The following PIGN variants were observed in gnomAD, a reference collection of about 807,000 sequenced individuals.
PIGN encodes GPI ethanolamine phosphate transferase 1.
PIGN carries 117 observed loss-of-function variants against 125.4 expected under a neutral mutation model. The ratio of observed to expected loss-of-function variants is 0.93; its 90% CI spans 0.80 to 1.09. PIGN has a LOEUF of 1.09. PIGN is among the 50% of genes least tolerant of loss of function. PIGN has a pLI of 0.00. For synonymous variants in PIGN, 392 were observed against 377.8 expected, an observed-to-expected ratio of 1.04 and a Z score of -0.44; for missense variants, 1,075 against 1,094.9, an observed-to-expected ratio of 0.98 and a Z score of 0.26.
chr18:62,090,004 T>G (rs572101876), intron 24 of PIGN, among the ~76,000 whole-genome samples: 9 of 152,208 alleles, frequency 5.9e-5, no homozygotes, highest in African/African-American at 1.9e-4. Context: ...GCCACAATCA[T>G]TAAGGCAGCA....
At chr18:62,022,997 C>T (rs943092766) in intron 23 of PIGN, among the ~76,000 whole-genome samples, 3 of 152,176 alleles carry the variant, frequency 2.0e-5, no homozygotes, top group Non-Finnish European at 4.4e-5. Context: ...AGATGTTCTA[C>T]TGTATTGTTC....
At chr18:62,038,864 G>A (rs776305800), downstream of PIGN, among the ~76,000 whole-genome samples, 16 of 151,936 alleles carry the variant, frequency 1.1e-4, no homozygotes, top group South Asian at 6.2e-4. Flanking sequence ...GAAGCAGTGA[G>A]CCATCATTGT....
At chr18:62,095,003 G>C (rs983337902) in intron 23 of PIGN, among the ~76,000 whole-genome samples, 2 of 152,132 alleles carry the variant, frequency 1.3e-5, no homozygotes, top group African/African-American at 4.8e-5. Context: ...TTCCAAAAGG[G>C]AGAACCTGAG....
chr18:62,088,581 A>G, intron 25 of PIGN, 175 bp downstream of exon 25: 1 of 475,222 alleles, frequency 2.1e-6, no homozygotes, highest in Non-Finnish European at 3.7e-6. Context: ...AATTATTTAT[A>G]CTTTTCTATA....
intron 21 of PIGN, 123 bp downstream of exon 21, chr18:62,102,671 C>T: frequency 2.0e-6 from 1 of 509,094 alleles, no homozygotes; most frequent in Non-Finnish European, 3.4e-6. Context: ...AAGCTTTCTT[C>T]TCAGCTGGCA....
rs1269013526 is a variant in PIGN at position 62,143,317 on chromosome 18, C to G, written c.952G>C (p.Asp318His). The G allele has an allele frequency of 2.6e-6, 4 of 1,520,706 alleles. No homozygotes were observed. The South Asian group carries it at 4.7e-5, about 18-fold the overall frequency. The allele number at this position is 1,520,706 out of a possible 1,614,324, so 94.2% of individuals were successfully genotyped here. A position where few individuals can be genotyped will look rare whatever the true frequency, so the allele number is the denominator to read the frequency against. Reference protein sequence around the residue: ...EWRLENWKRLDVNQADIAPLM... With the variant: ...EWRLENWKRLHVNQADIAPLM... Reference sequence around the variant, plus strand: ...ATCGAACTGGATACCTGATTGACATCTAGCCTCTTCCAATTCTCCAATCTC... The same window carrying G: ...ATCGAACTGGATACCTGATTGACATGTAGCCTCTTCCAATTCTCCAATCTC... The change falls in exon 11 of 31, where the codon GAT becomes CAT. Residue 318 changes from aspartate to histidine, a missense_variant. By Grantham distance (81) the Asp-to-His change is moderately conservative (BLOSUM62 -1). Around this residue, in one of 3 missense-constraint regions of PIGN, gnomAD observed 915 missense variants for 908.7 expected, o/e 1.01. Coordinates refer to ENST00000640252, the MANE Select transcript of PIGN (RefSeq NM_176787.5).
At chr18:62,134,778 A>G (rs1042773137) in intron 14 of PIGN, among the ~76,000 whole-genome samples, 16 of 151,832 alleles carry the variant, frequency 1.1e-4, no homozygotes, top group African/African-American at 3.4e-4. Flanking sequence ...CCTTTCTCAC[A>G]CTCCTAGCAA....
chr18:62,178,342 C>T (rs77860295), intron 1 of PIGN, among the ~76,000 whole-genome samples: 4,492 of 151,766 alleles, frequency 0.03, 213 homozygotes, highest in African/African-American at 0.1. Context: ...GTCACTCTGC[C>T]CCCTTATGCT....
downstream of PIGN, among the ~76,000 whole-genome samples, chr18:62,040,819 T>C (rs1036933965): frequency 2.6e-5 from 4 of 152,222 alleles, no homozygotes; most frequent in African/African-American, 4.8e-5. Flanking sequence ...GTCTGTAAGA[T>C]TGACAATTAC....
chr18:62,169,760 A>G (rs920942471), intron 1 of PIGN, among the ~76,000 whole-genome samples: 2 of 152,038 alleles, frequency 1.3e-5, no homozygotes, highest in Non-Finnish European at 2.9e-5. Context: ...AGCTGGGACC[A>G]CAGGTGAGAG....
chr18:62,098,977 T>C (rs1457490134), intron 22 of PIGN, among the ~76,000 whole-genome samples: 1 of 152,062 alleles, frequency 6.6e-6, no homozygotes, highest in East Asian at 1.9e-4. Flanking sequence ...AAGTGTGCTC[T>C]GCTACAACAT....
intron 23 of PIGN, among the ~76,000 whole-genome samples, chr18:62,030,649 T>TGCTGATATTTTTATATTCACATTTC (rs1385845757): frequency 1.3e-5 from 2 of 152,238 alleles, no homozygotes; most frequent in Admixed American, 1.3e-4. Context: ...CTTCACATTG[T>TGCTGATATTTTTATATTCACATTTC]GCTGATATTT....
At chr18:62,138,899 T>A in intron 13 of PIGN, 84 bp downstream of exon 13, 1 of 695,460 alleles carries the variant, frequency 1.4e-6, no homozygotes, top group Non-Finnish European at 2.4e-6. Flanking sequence ...AAAAACAAAA[T>A]CAAATATTTT....
At chr18:62,062,659 C>T (rs1050028663) in intron 30 of PIGN, among the ~76,000 whole-genome samples, 2 of 151,958 alleles carry the variant, frequency 1.3e-5, no homozygotes, top group African/African-American at 2.4e-5. Flanking sequence ...AATATTATCA[C>T]GAAATATTCC....
intron 5 of PIGN, 70 bp downstream of exon 5, chr18:62,157,617 T>C: frequency 1.5e-6 from 2 of 1,367,842 alleles, no homozygotes; most frequent in Non-Finnish European, 2.0e-6. Context: ...TGTGACATGA[T>C]TAAGTGGTAA....
chr18:62,144,262 C>T (rs1246380629), intron 10 of PIGN, among the ~76,000 whole-genome samples: 4 of 152,170 alleles, frequency 2.6e-5, no homozygotes, highest in Non-Finnish European at 5.9e-5. Flanking sequence ...ACCCTACTTT[C>T]TATTTTGATC....
At chr18:62,037,626 C>T (rs1396479181), downstream of PIGN, among the ~76,000 whole-genome samples, 6 of 152,216 alleles carry the variant, frequency 3.9e-5, no homozygotes, top group African/African-American at 1.2e-4. Context: ...CTGGGCAAAT[C>T]GTTCTCCTCG....
chr18:62,167,186 G>GCA (rs1491124062), intron 1 of PIGN, among the ~76,000 whole-genome samples: 3 of 110,932 alleles, frequency 2.7e-5, no homozygotes, highest in African/African-American at 8.6e-5. Context: ...GAGAGCAGGA[G>GCA]CGCTCTCTCT....
At chr18:62,148,371 T>C (rs2036412462) in intron 7 of PIGN, 33 bp from the exon 8 acceptor site, 1 of 1,352,036 alleles carries the variant, frequency 7.4e-7, no homozygotes, top group Non-Finnish European at 9.9e-7. Flanking sequence ...AAATATTTAG[T>C]TCATTTGTTT....
Sources: allele counts gnomAD v4.1 joint callset (sites outside exome capture counted in the v4.1 genomes callset), GRCh38; gene constraint gnomAD v4.1.1; regional missense constraint gnomAD v4.1.1; transcripts MANE v1.5; gene names NCBI Gene and HGNC (gene_info 2026-07-23, HGNC 2026-07-21).